The following HELZ variants were observed in gnomAD, a reference collection of about 807,000 sequenced individuals.
HELZ encodes ATP-dependent RNA helicase with zinc finger domain.
Under a neutral mutation model 218.2 loss-of-function variants are expected in HELZ, and 23 were observed. The observed-to-expected ratio is 0.11, with a 90% CI of 0.08 to 0.15. The LOEUF is 0.15. HELZ is among the 10% of genes least tolerant of loss of function. HELZ has a pLI of 1.00. For synonymous variants in HELZ, 814 were observed against 829.4 expected (o/e 0.98, Z 0.32); for missense variants, 1,813 against 2,353.7 (o/e 0.77, Z 4.75).
At chr17:67,103,668 C>G (rs1165072865) in intron 31 of HELZ, among the ~76,000 whole-genome samples, 1 of 152,150 alleles carries the variant, frequency 6.6e-6, no homozygotes, top group Non-Finnish European at 1.5e-5. Flanking sequence ...CAATACTCCC[C>G]AAATTAATCT....
chr17:67,216,733 C>G (rs1490938733), intron 4 of HELZ, among the ~76,000 whole-genome samples: 1 of 152,118 alleles, frequency 6.6e-6, no homozygotes, highest in Non-Finnish European at 1.5e-5. Flanking sequence ...CCATGTGGAC[C>G]CACACGATTC....
chr17:67,104,848 G>A (rs146737212), intron 31 of HELZ, among the ~76,000 whole-genome samples: 36 of 152,310 alleles, frequency 2.4e-4, no homozygotes, highest in African/African-American at 7.0e-4. Flanking sequence ...AGGGCTGGGC[G>A]CGGTGGCTTA....
At chr17:67,093,023 A>C (rs2036621532) in intron 31 of HELZ, among the ~76,000 whole-genome samples, 1 of 152,222 alleles carries the variant, frequency 6.6e-6, no homozygotes, top group Non-Finnish European at 1.5e-5. Flanking sequence ...CTCCAGCATA[A>C]AAGATAGTCC....
intron 5 of HELZ, among the ~76,000 whole-genome samples, chr17:67,210,574 G>A (rs2040424095): frequency 6.6e-6 from 1 of 152,156 alleles, no homozygotes; most frequent in East Asian, 1.9e-4. Context: ...ACTCTTAGTT[G>A]ATAAGATTAC....
intron 31 of HELZ, among the ~76,000 whole-genome samples, chr17:67,092,503 A>C (rs2036601926): frequency 6.6e-6 from 1 of 152,220 alleles, no homozygotes. Context: ...GGACACAGCC[A>C]GCCAGGTACC....
chr17:67,167,547 T>C lies in HELZ; in HGVS notation c.1680A>G (p.Glu560=), dbSNP rs1211498002. 6.2e-7 allele frequency: 1 copy of C among 1,613,770 alleles called. No homozygotes were observed. Among genetic ancestry groups the C allele is most frequent in the Non-Finnish European group, 8.5e-7 (1 of 1,179,650 alleles). ...TKEKVYEATI[E]EKTKEYIFLR... ...AAAATATATATTCCTTTGTTTTTTC[T>C]TCAATAGTAGCTTCATAAACCTTCT... Residue 560 remains glutamate, a synonymous_variant, in exon 14 of 33, where the codon GAA becomes GAG. Transcript: ENST00000358691.
chr17:67,082,278 T>G (rs552304943), intron 32 of HELZ, among the ~76,000 whole-genome samples: 14 of 152,254 alleles, frequency 9.2e-5, no homozygotes, highest in Admixed American at 2.0e-4. Flanking sequence ...GGTAGCTCTA[T>G]CCTTGAGTTC....
chr17:67,189,228 T>A (rs1473685207), intron 11 of HELZ, among the ~76,000 whole-genome samples: 1 of 152,186 alleles, frequency 6.6e-6, no homozygotes, highest in Non-Finnish European at 1.5e-5. Flanking sequence ...TAAAAACAAG[T>A]TGTTATGGTT....
At chr17:67,141,480 G>A (rs2143977258) in intron 21 of HELZ, among the ~76,000 whole-genome samples, 1 of 151,496 alleles carries the variant, frequency 6.6e-6, no homozygotes, top group Admixed American at 6.6e-5. Flanking sequence ...GTTATATATA[G>A]GTATATTATA....
intron 17 of HELZ, among the ~76,000 whole-genome samples, chr17:67,153,497 C>T (rs886144424): frequency 6.6e-6 from 1 of 152,180 alleles, no homozygotes; most frequent in South Asian, 2.1e-4. Flanking sequence ...GTTAGGAAAA[C>T]CAAAGCCCAA....
At position 67,160,166 on chromosome 17, in the gene HELZ, T is replaced by C. The variant is rs866640347; in HGVS notation, c.2177+95A>G. On this transcript the variant is annotated intron_variant, in intron 17 of 32. Transcript: ENST00000358691. ...CTCTAAATGTCAATGCATAAAGACT[T>C]TGGTATTTCCAAAGTTACTAAAATC... The C allele has an allele frequency of 9.1e-5, 67 of 739,128 alleles. No individual in the cohort carries two copies. The African/African-American group carries it at 1.1e-3, about 12-fold the overall frequency. The allele number at this position is 739,128 out of a possible 1,614,324, so 45.8% of individuals were successfully genotyped here.
At chr17:67,165,190 C>G (rs574595262) in intron 15 of HELZ, among the ~76,000 whole-genome samples, 59 of 152,296 alleles carry the variant, frequency 3.9e-4, no homozygotes, top group African/African-American at 1.4e-3. Flanking sequence ...AGACTATTCC[C>G]TCTCAAGAAT....
chr17:67,137,823 A>T (rs2038200226), intron 22 of HELZ, 108 bp downstream of exon 22: 1 of 810,092 alleles, frequency 1.2e-6, no homozygotes. Context: ...CTTGATATGA[A>T]ATGAACACAT....
In HELZ at chr17:67,089,668, TAGAGAG is replaced by T. The variant is rs1555595394; in HGVS notation, c.5242-2593_5242-2588del. ...GATTTTATATATATATATATATATA[TAGAGAG>T]AGAGAGAGAGAGAGAGAGAGAGAGA... On this transcript the variant is annotated intron_variant, in intron 31 of 32. Transcript: ENST00000358691. Among the ~76,000 whole-genome samples, 115 of 70,642 alleles carry T rather than the reference TAGAGAG, an allele frequency of 1.6e-3. 1 individual carries two copies. Among genetic ancestry groups the T allele is most frequent in the Admixed American group, 6.7e-3 (42 of 6,258 alleles). The allele number at this position is 70,642 out of a possible 152,430, so 46.3% of individuals were successfully genotyped here. A position where few individuals can be genotyped will look rare whatever the true frequency, so the allele number is the denominator to read the frequency against.
At chr17:67,083,146 C>T (rs991187979) in intron 32 of HELZ, among the ~76,000 whole-genome samples, 19 of 151,900 alleles carry the variant, frequency 1.3e-4, no homozygotes, top group African/African-American at 4.6e-4. Context: ...TGTGAGCCAC[C>T]ATGTCTGGCC....
chr17:67,093,027 AT>A (rs2143635046), intron 31 of HELZ, among the ~76,000 whole-genome samples: 2 of 152,332 alleles, frequency 1.3e-5, no homozygotes, highest in East Asian at 3.9e-4. Flanking sequence ...AGCATAAAAG[AT>A]AGTCCCAGAT....
At position 67,075,780 on chromosome 17, in the gene HELZ, C is replaced by T. The variant is rs1286162366; in HGVS notation, c.*2472G>A. ...TATCAGATGGAAGCAGCGTTAGAAT[C>T]CTTGACTGGCTATGGAAATAAGGAA... On this transcript the variant is annotated 3_prime_UTR_variant, in exon 33 of 33. Transcript: ENST00000358691. 1 of 152,488 alleles carries T rather than the reference C, an allele frequency of 6.6e-6. No homozygotes were observed. Among genetic ancestry groups the T allele is most frequent in the African/African-American group, 2.4e-5 (1 of 41,420 alleles). 9.4% of individuals were successfully genotyped at this position (152,488 alleles called of 1,614,324 possible).
chr17:67,167,940 A>AT (rs1336576418), intron 13 of HELZ, 144 bp from the exon 14 acceptor site: 6 of 639,828 alleles, frequency 9.4e-6, no homozygotes, highest in Non-Finnish European at 1.6e-5. Flanking sequence ...TAAAAACTGT[A>AT]TTTTTCTGCC....
intron 3 of HELZ, among the ~76,000 whole-genome samples, chr17:67,225,951 G>A (rs1360832910): frequency 3.1e-5 from 1 of 32,630 alleles, no homozygotes; most frequent in Non-Finnish European, 5.6e-5. Flanking sequence ...TTTGAAAAAG[G>A]ATTCAGATCT....
Sources: gnomAD v4.1 joint callset for allele counts (sites outside exome capture counted in the v4.1 genomes callset) on GRCh38, gnomAD v4.1.1 for gene constraint, MANE v1.5 for transcripts, NCBI Gene and HGNC (gene_info 2026-07-23, HGNC 2026-07-21) for gene names.